The following CCNH variants were observed in gnomAD, a reference collection of about 807,000 sequenced individuals.
CCNH encodes the protein cyclin H.
Under a neutral mutation model 41.9 loss-of-function variants are expected in CCNH, and 31 were observed. The ratio of observed to expected loss-of-function variants is 0.74; its 90% CI spans 0.56 to 1.00. CCNH has a LOEUF of 1.00. CCNH is among the 50% of genes least tolerant of loss of function. The pLI is 0.00. For synonymous variants in CCNH, 138 were observed against 136.1 expected (o/e 1.01, Z -0.10); for missense variants, 362 against 388.4 (o/e 0.93, Z 0.57).
At chr5:87,362,823 T>G (rs2112458229) in intron 9 of CCNH, 2 of 869,694 alleles carry the variant, frequency 2.3e-6, no homozygotes, top group Middle Eastern at 3.5e-4. Flanking sequence ...TCTTCAAAAT[T>G]TAGAGTGTAG....
At chr5:87,331,507 C>G in intron 9 of CCNH, 3 of 1,613,284 alleles carry the variant, frequency 1.9e-6, no homozygotes, top group Non-Finnish European at 1.7e-6. Flanking sequence ...TTAGGTAAGT[C>G]TTTATTCCTA....
In CCNH at chr5:87,401,693, TTTAC is replaced by T; in HGVS notation, c.760+5_760+8del. 6.5e-7 allele frequency: 1 copy of T among 1,541,810 alleles called. No individual in the cohort carries two copies. The highest frequency in any genetic ancestry group is 1.2e-5 in the South Asian group (1 of 84,732). ...AGAAACATTTTGTAAAGTGTTCTCT[TTTAC>T]TTACTTTTCATTATATCTAGTAACT... On this transcript the variant is annotated splice_donor_5th_base_variant and intron_variant, in intron 6 of 8. Coordinates refer to ENST00000256897, the MANE Select transcript of CCNH (RefSeq NM_001239.4).
At chr5:87,357,402 T>C (rs899021432) in intron 9 of CCNH, among the ~76,000 whole-genome samples, 2 of 152,086 alleles carry the variant, frequency 1.3e-5, no homozygotes, top group Admixed American at 1.3e-4. Flanking sequence ...TCCCCTTGGC[T>C]CTTTGAGTTA....
At chr5:87,412,353 G>C in intron 1 of CCNH, 1 of 1,028,112 alleles carries the variant, frequency 9.7e-7, no homozygotes, top group Non-Finnish European at 1.2e-6. Flanking sequence ...CTCCGCATTG[G>C]CTACTGGGAA....
At chr5:87,381,895 A>G (rs992034104), upstream of CCNH, among the ~76,000 whole-genome samples, 2 of 152,214 alleles carry the variant, frequency 1.3e-5, no homozygotes, top group East Asian at 1.9e-4. Flanking sequence ...AATTATCACA[A>G]TATTTTCAAG....
At chr5:87,334,191 C>G (rs1315167464) in intron 9 of CCNH, among the ~76,000 whole-genome samples, 2 of 152,118 alleles carry the variant, frequency 1.3e-5, no homozygotes, top group Non-Finnish European at 2.9e-5. Flanking sequence ...CCAAGAAAGC[C>G]AGTGGTATAA....
chr5:87,397,430 G>A (rs1399459174), intron 7 of CCNH, among the ~76,000 whole-genome samples: 1 of 152,148 alleles, frequency 6.6e-6, no homozygotes, highest in African/African-American at 2.4e-5. Context: ...AAACTGCTGA[G>A]ATTACAGGCA....
At position 87,358,219 on chromosome 5, in the gene CCNH, A is replaced by G. The variant is rs147201012; in HGVS notation, c.*90+34551T>C. On this transcript the variant is annotated intron_variant and NMD_transcript_variant, in intron 9 of 9. Coordinates refer to the CCNH transcript ENST00000645953. ...TTGCTTACTTCCTGGAACTGTTAAC[A>G]CTTTTTGAGGCAAGCATTAGACAAA... Among the ~76,000 whole-genome samples the G allele has an allele frequency of 5.4e-3, 820 of 152,270 alleles. 10 individuals are homozygous for G. Among genetic ancestry groups the G allele is most frequent in the South Asian group, 0.034 (163 of 4,818 alleles).
chr5:87,385,238 T>C, intron 9 of CCNH: 1 of 1,040,428 alleles, frequency 9.6e-7, no homozygotes, highest in Non-Finnish European at 1.5e-6. Context: ...GCTAAATTTA[T>C]AATGGTTTAG....
At chr5:87,342,557 C>A (rs542716067) in intron 9 of CCNH, among the ~76,000 whole-genome samples, 2 of 152,276 alleles carry the variant, frequency 1.3e-5, no homozygotes, top group African/African-American at 4.8e-5. Flanking sequence ...TCTTTAGACA[C>A]AATAATCTTG....
intron 9 of CCNH, chr5:87,346,792 A>G (rs370615556): frequency 4.0e-6 from 5 of 1,261,838 alleles, no homozygotes. Context: ...CAAACCATTT[A>G]TCATGTGTTT....
At chr5:87,372,181 A>G, downstream of CCNH, 1 of 1,613,598 alleles carries the variant, frequency 6.2e-7, no homozygotes, top group Non-Finnish European at 8.5e-7. Flanking sequence ...GACATCCAAT[A>G]AACGCCTTCG....
upstream of CCNH, among the ~76,000 whole-genome samples, chr5:87,378,908 T>C (rs1411724673): frequency 6.6e-6 from 1 of 152,182 alleles, no homozygotes; most frequent in Non-Finnish European, 1.5e-5. Context: ...GGTTTGTTCT[T>C]GAAGGTTTTT....
chr5:87,394,643 G>C, intron 8 of CCNH, 159 bp from the exon 9 acceptor site: 1 of 1,440,092 alleles, frequency 6.9e-7, no homozygotes, highest in Middle Eastern at 2.1e-4. Flanking sequence ...AGTAATGTTG[G>C]CATGGTCTCA....
downstream of CCNH, among the ~76,000 whole-genome samples, chr5:87,387,099 T>C (rs925905662): frequency 2.0e-5 from 3 of 152,164 alleles, no homozygotes; most frequent in East Asian, 3.8e-4. Context: ...TTACACTAAA[T>C]AGTTTACACC....
At position 87,341,424 on chromosome 5, in the gene CCNH, GACTTA is replaced by G. The variant is rs1023069695; in HGVS notation, c.*91-22532_*91-22528del. 28 of 666,368 alleles carry G rather than the reference GACTTA, an allele frequency of 4.2e-5. 1 individual carries two copies. In the African/African-American group the frequency reaches 4.8e-4, roughly 11 times the overall value. 41.3% of individuals were successfully genotyped at this position (666,368 alleles called of 1,614,324 possible). A position where few individuals can be genotyped will look rare whatever the true frequency, so the allele number is the denominator to read the frequency against. ...AAATTGTTTTTTAAGGTTTTGGACT[GACTTA>G]ACTTTTAAATTTGGCTTAGGGAACT... On this transcript the variant is annotated intron_variant and NMD_transcript_variant, in intron 9 of 9. Coordinates refer to the CCNH transcript ENST00000645953.
chr5:87,374,151 T>A (rs933452101), downstream of CCNH: 49 of 1,413,920 alleles, frequency 3.5e-5, no homozygotes, highest in East Asian at 5.4e-5. Flanking sequence ...ATATATATTT[T>A]TTTTTTTTTA....
chr5:87,335,137 C>G (rs1005964601), intron 9 of CCNH, among the ~76,000 whole-genome samples: 1 of 152,154 alleles, frequency 6.6e-6, no homozygotes, highest in African/African-American at 2.4e-5. Flanking sequence ...CCGCCTTGGC[C>G]TCCCAAAGTG....
chr5:87,312,233 G>T, the CCNH span, among the ~76,000 whole-genome samples: 1 of 152,152 alleles, frequency 6.6e-6, no homozygotes, highest in Non-Finnish European at 1.5e-5. Flanking sequence ...GTAAGTAATA[G>T]TCTTCATATA....
Sources: gnomAD v4.1 joint callset for allele counts (sites outside exome capture counted in the v4.1 genomes callset) on GRCh38, gnomAD v4.1.1 for gene constraint, MANE v1.5 for transcripts, NCBI Gene and HGNC (gene_info 2026-07-23, HGNC 2026-07-21) for gene names.